Variants in CNTNAP3B observed in about 807,000 individuals in gnomAD.
The protein encoded by CNTNAP3B is contactin-associated protein-like 3B.
A neutral mutation model predicts 108.9 loss-of-function variants in CNTNAP3B; 25 were observed. The observed-to-expected ratio is 0.23, with a 90% CI of 0.17 to 0.32. The LOEUF (loss-of-function observed/expected upper bound fraction) is 0.32, where lower values mean the gene tolerates loss of function less well. CNTNAP3B is among the 10% of genes least tolerant of loss of function. CNTNAP3B has a pLI of 1.00. For missense variants in CNTNAP3B, 252 were observed against 1,210.4 expected (o/e 0.21, Z 11.75); for synonymous variants, 103 against 473.4 (o/e 0.22, Z 10.16).
At chr9:42,091,977 G>T (rs1827821333) in intron 2 of CNTNAP3B, among the ~76,000 whole-genome samples, 1 of 119,318 alleles carries the variant, frequency 8.4e-6, no homozygotes, top group African/African-American at 3.4e-5. Context: ...ACTTTTTTCT[G>T]GTTTATTTTC....
chr9:41,980,956 CT>C (rs1170569637), intron 9 of CNTNAP3B, among the ~76,000 whole-genome samples: 1 of 130,036 alleles, frequency 7.7e-6, no homozygotes. Flanking sequence ...GTCAAACTGT[CT>C]CTGTTTGCAG....
intron 18 of CNTNAP3B, among the ~76,000 whole-genome samples, chr9:41,918,641 A>G (rs1033047454): frequency 7.1e-6 from 1 of 141,572 alleles, no homozygotes; most frequent in Admixed American, 7.0e-5. Flanking sequence ...CCACTGGAGG[A>G]CCATTTTCCA....
chr9:42,094,070 G>A (rs1410742149), intron 2 of CNTNAP3B, among the ~76,000 whole-genome samples: 1 of 136,628 alleles, frequency 7.3e-6, no homozygotes, highest in Non-Finnish European at 1.6e-5. Context: ...GTAGAGCCTG[G>A]ATGATTCCAA....
chr9:41,935,931 T>C (rs1178788978), intron 14 of CNTNAP3B, among the ~76,000 whole-genome samples: 1 of 152,280 alleles, frequency 6.6e-6, no homozygotes, highest in Non-Finnish European at 1.5e-5. Context: ...GTTCCTCCCA[T>C]CCCCTCCTCA....
intron 1 of CNTNAP3B, among the ~76,000 whole-genome samples, chr9:42,111,383 G>T (rs537123062): frequency 7.2e-6 from 1 of 138,780 alleles, no homozygotes; most frequent in East Asian, 2.2e-4. Context: ...TTATCCTACT[G>T]AGTAGAATAA....
intron 13 of CNTNAP3B, among the ~76,000 whole-genome samples, chr9:41,945,251 C>T (rs1824492556): frequency 1.3e-5 from 2 of 152,282 alleles, no homozygotes; most frequent in Admixed American, 1.3e-4. Context: ...TTTGACCCAG[C>T]CATCCCATTA....
intron 13 of CNTNAP3B, 73 bp from the exon 14 acceptor site, chr9:41,938,473 A>G (rs1294630777): frequency 6.2e-7 from 1 of 1,609,588 alleles, no homozygotes; most frequent in African/African-American, 1.3e-5. Flanking sequence ...ATCTCCCTTT[A>G]CTCCCAGGTG....
chr9:41,935,964 C>T (rs1824144229), intron 14 of CNTNAP3B, among the ~76,000 whole-genome samples: 1 of 152,276 alleles, frequency 6.6e-6, no homozygotes, highest in Non-Finnish European at 1.5e-5. Context: ...GGGAGGGTCA[C>T]TCAATACAGG....
chr9:42,124,076 A>G (rs991235005), intron 1 of CNTNAP3B, among the ~76,000 whole-genome samples: 1 of 138,060 alleles, frequency 7.2e-6, no homozygotes, highest in African/African-American at 2.9e-5. Flanking sequence ...TTTAATTCTT[A>G]GCAATAATTT....
chr9:41,942,871 TAC>T, intron 13 of CNTNAP3B, among the ~76,000 whole-genome samples: 2 of 152,218 alleles, frequency 1.3e-5, no homozygotes, highest in Non-Finnish European at 2.9e-5. Flanking sequence ...TCAGCCTAAC[TAC>T]TAACCAGATA....
intron 2 of CNTNAP3B, among the ~76,000 whole-genome samples, chr9:42,089,154 A>AG (rs779088378): frequency 1.0e-5 from 1 of 95,530 alleles, no homozygotes; most frequent in Non-Finnish European, 2.2e-5. Context: ...GGAAAGGGAA[A>AG]AAGGGTGAAA....
At chr9:41,962,828 G>T (rs1470617174) in intron 11 of CNTNAP3B, among the ~76,000 whole-genome samples, 4 of 151,898 alleles carry the variant, frequency 2.6e-5, no homozygotes, top group African/African-American at 9.7e-5. Context: ...GGTGGCGGGC[G>T]CCTGTAGTCC....
intron 1 of CNTNAP3B, among the ~76,000 whole-genome samples, chr9:42,123,899 C>A (rs1409266075): frequency 8.2e-6 from 1 of 122,110 alleles, no homozygotes; most frequent in Admixed American, 8.4e-5. Context: ...TTTCTTAGGG[C>A]CTCAATTGCA....
At chr9:42,090,675 C>T (rs544088706) in intron 2 of CNTNAP3B, among the ~76,000 whole-genome samples, 2 of 69,342 alleles carry the variant, frequency 2.9e-5, no homozygotes, top group East Asian at 1.5e-3. Context: ...ATGACTATGA[C>T]TATATATAGT....
chr9:42,089,899 C>T (rs1224656776), intron 2 of CNTNAP3B, among the ~76,000 whole-genome samples: 4 of 139,500 alleles, frequency 2.9e-5, no homozygotes, highest in Non-Finnish European at 6.2e-5. Context: ...GTACTCTGCA[C>T]GTGAGAGTTC....
chr9:41,986,323 A>G lies in CNTNAP3B; in HGVS notation c.1334-12T>C. ...GTTTAATCCAGCACCTGGAGGAAAT[A>G]CAATCAGTCAGAGACAACTCTAAAT... On this transcript the variant is annotated splice_polypyrimidine_tract_variant and intron_variant, in intron 8 of 23. Coordinates refer to ENST00000377561, the MANE Select transcript of CNTNAP3B (RefSeq NM_001201380.3). 8.9e-7 allele frequency: 1 copy of G among 1,129,760 alleles called. No individual in the cohort carries two copies. Among genetic ancestry groups the G allele is most frequent in the South Asian group, 1.4e-5 (1 of 70,088 alleles). The allele number at this position is 1,129,760 out of a possible 1,614,324, so 70.0% of individuals were successfully genotyped here. A position where few individuals can be genotyped will look rare whatever the true frequency, so the allele number is the denominator to read the frequency against.
At chr9:42,050,012 A>AT (rs1271543645) in intron 3 of CNTNAP3B, among the ~76,000 whole-genome samples, 14 of 43,336 alleles carry the variant, frequency 3.2e-4, no homozygotes, top group Non-Finnish European at 4.5e-4. Flanking sequence ...TAATTTTTGT[A>AT]TTTTTTTGTA....
At chr9:42,039,264 C>CA (rs1218462539) in intron 3 of CNTNAP3B, among the ~76,000 whole-genome samples, 5 of 113,846 alleles carry the variant, frequency 4.4e-5, no homozygotes, top group East Asian at 2.9e-4. Flanking sequence ...GATGGAGACA[C>CA]AAAAAAATCC....
In CNTNAP3B at chr9:41,935,337, G is replaced by A. The variant is rs1383273441; in HGVS notation, c.2237+2907C>T. On this transcript the variant is annotated intron_variant, in intron 14 of 23. Transcript: ENST00000377561. The stretch of plus-strand genomic sequence containing the variant: ...TAACAATACTGCCTGCCCCATTAAC[G>A]GACATATGCCTGAAGAGACTTAAAA... Among the ~76,000 whole-genome samples the A allele has an allele frequency of 5.3e-5, 8 of 152,318 alleles. No homozygotes were observed. In the East Asian group the frequency reaches 5.8e-4, roughly 11 times the overall value.
Sources: gnomAD v4.1 joint callset for allele counts (sites outside exome capture counted in the v4.1 genomes callset) on GRCh38, gnomAD v4.1.1 for gene constraint, MANE v1.5 for transcripts, NCBI Gene and HGNC (gene_info 2026-07-23, HGNC 2026-07-21) for gene names.